Variants in RFX3 observed in about 807,000 individuals in gnomAD.
RFX3 encodes transcription factor RFX3.
In RFX3, 14 loss-of-function variants were observed where a neutral mutation model predicts 98.6. The ratio of observed to expected loss-of-function variants is 0.14; its 90% confidence interval spans 0.09 to 0.22. The LOEUF (loss-of-function observed/expected upper bound fraction) is 0.22, where lower values mean the gene tolerates loss of function less well. RFX3 is among the 10% of genes least tolerant of loss of function. RFX3 has a pLI of 1.00. For synonymous variants in RFX3, 383 were observed against 328.4 expected, an observed-to-expected ratio of 1.17 and a Z score of -1.80; for missense variants, 639 against 926.9, an observed-to-expected ratio of 0.69 and a Z score of 4.03.
chr9:3,281,979 C>T (rs975603450), intron 7 of RFX3, among the ~76,000 whole-genome samples: 2 of 151,700 alleles, frequency 1.3e-5, no homozygotes, highest in Non-Finnish European at 3.0e-5. Context: ...AATGCACATG[C>T]AAACACAAAA....
At chr9:3,467,264 G>GTATA (rs1564139615) in intron 1 of RFX3, among the ~76,000 whole-genome samples, 2 of 142,432 alleles carry the variant, frequency 1.4e-5, no homozygotes, top group African/African-American at 5.2e-5. Context: ...ACATATATAT[G>GTATA]TACATACATA....
chr9:3,238,770 G>T (rs961978767), intron 15 of RFX3, among the ~76,000 whole-genome samples: 1 of 152,088 alleles, frequency 6.6e-6, no homozygotes, highest in African/African-American at 2.4e-5. Flanking sequence ...GGCGGATCAC[G>T]TGAGGTCGGG....
At chr9:3,304,991 T>C (rs925471693) in intron 4 of RFX3, among the ~76,000 whole-genome samples, 11 of 152,006 alleles carry the variant, frequency 7.2e-5, no homozygotes, top group Admixed American at 5.9e-4. Context: ...AAAAAATATA[T>C]ATAAGAACAC....
At chr9:3,502,637 T>C (rs1399149750) in intron 1 of RFX3, among the ~76,000 whole-genome samples, 1 of 152,192 alleles carries the variant, frequency 6.6e-6, no homozygotes, top group Non-Finnish European at 1.5e-5. Flanking sequence ...ATCAGACATA[T>C]GACACTTCAC....
intron 1 of RFX3, among the ~76,000 whole-genome samples, chr9:3,398,914 T>TAATAAAAAAAAAAAAA (rs1841185172): frequency 1.5e-5 from 1 of 67,568 alleles, no homozygotes; most frequent in African/African-American, 4.8e-5. Flanking sequence ...TAGAGTATAA[T>TAATAAAAAAAAAAAAA]AAAAAAAAAA....
chr9:3,466,381 A>T (rs1348018778), intron 1 of RFX3, among the ~76,000 whole-genome samples: 1 of 152,180 alleles, frequency 6.6e-6, no homozygotes, highest in East Asian at 1.9e-4. Flanking sequence ...TTTCTCAAGC[A>T]AATAATAAAT....
intron 1 of RFX3, among the ~76,000 whole-genome samples, chr9:3,505,610 T>C (rs1326812030): frequency 1.3e-5 from 2 of 150,432 alleles, no homozygotes; most frequent in Non-Finnish European, 3.0e-5. Flanking sequence ...GGCCAGCAGC[T>C]ACCAAAGTAT....
At chr9:3,391,364 T>C (rs7850206) in intron 2 of RFX3, among the ~76,000 whole-genome samples, 1 of 152,050 alleles carries the variant, frequency 6.6e-6, no homozygotes, top group Non-Finnish European at 1.5e-5. Flanking sequence ...AAGAAAAACA[T>C]GCTTCTAAAT....
At chr9:3,400,648 T>A (rs951516249) in intron 1 of RFX3, among the ~76,000 whole-genome samples, 2 of 152,246 alleles carry the variant, frequency 1.3e-5, no homozygotes, top group Admixed American at 6.5e-5. Context: ...AGAGAGGCTC[T>A]CTTTGCCAAG....
intron 4 of RFX3, among the ~76,000 whole-genome samples, chr9:3,314,167 G>C (rs542063888): frequency 5.9e-5 from 9 of 152,148 alleles, no homozygotes; most frequent in African/African-American, 2.2e-4. Context: ...GACTAACAGC[G>C]GATCTCTTGG....
At position 3,505,211 on chromosome 9, in the gene RFX3, TGAATATATA is replaced by T. The variant is rs1349884154; in HGVS notation, c.-9+20527_-9+20535del. 1.4e-3 allele frequency among the ~76,000 whole-genome samples: 114 copies of T among 81,392 alleles called. 2 individuals are homozygous for T. The highest frequency in any genetic ancestry group is 5.7e-3 in the African/African-American group (106 of 18,752). The allele number at this position is 81,392 out of a possible 152,430, so 53.4% of individuals were successfully genotyped here. On this transcript the variant is annotated intron_variant, in intron 1 of 16. Transcript: ENST00000617270. ...ATATGAATATATATTTATATATATA[TGAATATATA>T]TTTATATATGAATATATATTTATAT...
intron 3 of RFX3, among the ~76,000 whole-genome samples, chr9:3,338,687 G>A (rs1833498406): frequency 6.6e-6 from 1 of 152,144 alleles, no homozygotes; most frequent in African/African-American, 2.4e-5. Flanking sequence ...GTTCTCAGTT[G>A]ATGTGAATGC....
intron 1 of RFX3, among the ~76,000 whole-genome samples, chr9:3,411,658 G>GT (rs750145186): frequency 0.025 from 3,589 of 143,092 alleles, 65 homozygotes; most frequent in African/African-American, 0.045. Context: ...GTGTGTGTGT[G>GT]TTTTTTTTTT....
intron 6 of RFX3, among the ~76,000 whole-genome samples, chr9:3,289,043 T>C (rs999746551): frequency 3.9e-5 from 6 of 152,168 alleles, no homozygotes; most frequent in African/African-American, 1.4e-4. Context: ...AGTTTTGCTC[T>C]GAATGGAATT....
chr9:3,246,749 G>A (rs756449538), intron 15 of RFX3, among the ~76,000 whole-genome samples: 19 of 152,162 alleles, frequency 1.2e-4, no homozygotes, highest in Admixed American at 8.5e-4. Context: ...TTGGTCACAT[G>A]AGGTCCTGCT....
chr9:3,247,591 T>C, intron 15 of RFX3: 1 of 1,260,102 alleles, frequency 7.9e-7, no homozygotes, highest in Non-Finnish European at 1.0e-6. Flanking sequence ...GTTATCATCA[T>C]TACCATTTTT....
intron 1 of RFX3, among the ~76,000 whole-genome samples, chr9:3,473,713 T>G (rs116103729): frequency 0.016 from 2,376 of 152,262 alleles, 58 homozygotes; most frequent in African/African-American, 0.054. Flanking sequence ...AGAACAATAT[T>G]TGTTCCAAAA....
chr9:3,346,895 G>C, intron 2 of RFX3, 131 bp from the exon 3 acceptor site: 1 of 645,578 alleles, frequency 1.5e-6, no homozygotes, highest in East Asian at 2.8e-5. Flanking sequence ...AAAACTATTA[G>C]ATTCATGTCA....
chr9:3,330,570 T>C, intron 3 of RFX3, 53 bp from the exon 4 acceptor site: 1 of 1,510,404 alleles, frequency 6.6e-7, no homozygotes, highest in Non-Finnish European at 9.0e-7. Flanking sequence ...GTCATCTTAT[T>C]AATTTTTTTC....
Sources: gnomAD v4.1 joint callset for allele counts (sites outside exome capture counted in the v4.1 genomes callset) on GRCh38, gnomAD v4.1.1 for gene constraint, MANE v1.5 for transcripts, NCBI Gene and HGNC (gene_info 2026-07-23, HGNC 2026-07-21) for gene names.